The following FAT4 variants were observed in gnomAD, a reference collection of about 807,000 sequenced individuals.
The protein encoded by FAT4 is protocadherin Fat 4.
In FAT4, 84 loss-of-function variants were observed where a neutral mutation model predicts 303.9. The observed-to-expected ratio is 0.28, with a 90% CI of 0.23 to 0.33. The LOEUF (loss-of-function observed/expected upper bound fraction) is 0.33. FAT4 is among the 10% of genes least tolerant of loss of function. The pLI, the probability that FAT4 is intolerant of heterozygous loss-of-function variation, is 1.00. For synonymous variants in FAT4, 2,307 were observed against 2,298.8 expected, an observed-to-expected ratio of 1.00 and a Z score of -0.10; for missense variants, 6,005 against 6,146.8, an observed-to-expected ratio of 0.98 and a Z score of 0.77.
At position 125,406,971 on chromosome 4, in the gene FAT4, G is replaced by C; in HGVS notation, c.5399G>C (p.Arg1800Thr). 1 of 1,613,888 alleles carries C rather than the reference G, an allele frequency of 6.2e-7. No individual in the cohort carries two copies. Among genetic ancestry groups the C allele is most frequent in the Non-Finnish European group, 8.5e-7 (1 of 1,179,890 alleles). The stretch of plus-strand genomic sequence containing the variant: ...GAATCCGGAGATCTGATAGCAACCA[G>C]GCGGTTGGACAGGGAACGCCGCTCC... ...DPESGDLIAT[R>T]RLDRERRSKY... The change falls in exon 4 of 18, where the codon AGG becomes ACG. Residue 1800 changes from arginine to threonine, a missense_variant. Coordinates refer to ENST00000394329, the MANE Select transcript of FAT4 (RefSeq NM_001291303.3).
chr4:125,397,891 C>T (rs912763482), intron 2 of FAT4, among the ~76,000 whole-genome samples: 3 of 152,030 alleles, frequency 2.0e-5, no homozygotes, highest in African/African-American at 7.2e-5. Context: ...GACAAACATG[C>T]CCTGGTTATA....
chr4:125,375,237 A>G (rs1397836837), intron 2 of FAT4, among the ~76,000 whole-genome samples: 1 of 152,240 alleles, frequency 6.6e-6, no homozygotes, highest in African/African-American at 2.4e-5. Context: ...GTGACTCTAA[A>G]TTGTAAGTAA....
chr4:125,432,608 G>A (rs1286976589), intron 7 of FAT4, among the ~76,000 whole-genome samples: 2 of 147,570 alleles, frequency 1.4e-5, no homozygotes, highest in Non-Finnish European at 3.0e-5. Flanking sequence ...TACTAAAAAG[G>A]CATTTACATT....
chr4:125,320,960 A>G lies in FAT4; in HGVS notation c.4549A>G (p.Ile1517Val). 1.2e-6 allele frequency: 2 copies of G among 1,614,242 alleles called. No individual in the cohort carries two copies. The highest frequency in any genetic ancestry group is 1.7e-6 in the Non-Finnish European group (2 of 1,180,034). The part of the protein sequence containing the change: ...TRRYALKNVT[I>V]LVTDLNDNVP... The stretch of plus-strand genomic sequence containing the variant: ...ACGGTATGCTTTGAAGAACGTGACC[A>G]TTTTGGTTACAGACCTCAATGACAA... Residue 1517 changes from isoleucine to valine, a missense_variant, in exon 2 of 18, where the codon ATT becomes GTT. By Grantham distance (29) the Ile-to-Val change is conservative. Coordinates refer to ENST00000394329, the MANE Select transcript of FAT4 (RefSeq NM_001291303.3).
At chr4:125,388,278 C>T (rs544453397) in intron 2 of FAT4, among the ~76,000 whole-genome samples, 19 of 152,174 alleles carry the variant, frequency 1.2e-4, no homozygotes, top group African/African-American at 2.6e-4. Flanking sequence ...GGAGGGGTAA[C>T]GGGACCAATA....
Position 125,363,564 on chromosome 4 carries a change from C to T in FAT4, c.5176-35220C>T, listed in dbSNP as rs144801701. On this transcript the variant is annotated intron_variant, in intron 2 of 17. Coordinates refer to ENST00000394329, the MANE Select transcript of FAT4 (RefSeq NM_001291303.3). ...AGCCTGGAGTGCAGTGGTATGATCTCGGCTCACTAAAACCTCCGCCTCCTG... is the reference window on the plus strand; with the variant it reads ...AGCCTGGAGTGCAGTGGTATGATCTTGGCTCACTAAAACCTCCGCCTCCTG... Among the ~76,000 whole-genome samples, 575 of 151,514 alleles carry T rather than the reference C, an allele frequency of 3.8e-3. 2 individuals are homozygous for T. Among genetic ancestry groups the T allele is most frequent in the African/African-American group, 0.013 (543 of 41,246 alleles).
At chr4:125,432,057 C>T (rs1451922327) in intron 7 of FAT4, among the ~76,000 whole-genome samples, 1 of 152,164 alleles carries the variant, frequency 6.6e-6, no homozygotes, top group Non-Finnish European at 1.5e-5. Context: ...GATTATTGTG[C>T]TCAAATGTCC....
rs557455208 is a variant in FAT4 at position 125,398,610 on chromosome 4, G to A, written c.5176-174G>A. ...ATTTTTATTTCGACTTTATGTTTTC[G>A]TGTAAAGATTTCACAACTTTTCCCT... On this transcript the variant is annotated intron_variant, in intron 2 of 17. Transcript: ENST00000394329. Among the ~76,000 whole-genome samples the A allele has an allele frequency of 3.7e-4, 56 of 152,178 alleles. 1 individual carries two copies. In the South Asian group the frequency reaches 8.7e-3, roughly 24 times the overall value.
In FAT4 at chr4:125,316,068, G is replaced by T. The variant is rs1653068793; in HGVS notation, c.-13+91G>T. On this transcript the variant is annotated intron_variant, in intron 1 of 17. Coordinates refer to ENST00000394329, the MANE Select transcript of FAT4 (RefSeq NM_001291303.3). This position sits in a 1 kb window ranked among gnomAD's most constrained non-coding sequence, Gnocchi z 5.7. ...ACTTCTCCCAACTCTCATCCACCCG[G>T]GTGAAAACGCTCAGACTATCTGGAT... is the stretch of plus-strand genomic sequence containing the variant. 6.6e-6 allele frequency among the ~76,000 whole-genome samples: 1 copy of T among 152,110 alleles called. No individual in the cohort carries two copies. Among genetic ancestry groups the T allele is most frequent in the South Asian group, 2.1e-4 (1 of 4,824 alleles).
At chr4:125,388,285 A>G (rs1733840866) in intron 2 of FAT4, among the ~76,000 whole-genome samples, 1 of 152,170 alleles carries the variant, frequency 6.6e-6, no homozygotes, top group African/African-American at 2.4e-5. Context: ...TAACGGGACC[A>G]ATAATTCAGT....
chr4:125,476,441 A>C (rs1022603251), intron 13 of FAT4, among the ~76,000 whole-genome samples, 185 bp downstream of exon 13: 2 of 152,170 alleles, frequency 1.3e-5, no homozygotes, highest in Non-Finnish European at 2.9e-5. Context: ...AAATGTGTGA[A>C]ATGAAGTGGT....
At chr4:125,331,445 T>C (rs1731378331) in intron 2 of FAT4, among the ~76,000 whole-genome samples, 1 of 152,242 alleles carries the variant, frequency 6.6e-6, no homozygotes, top group Admixed American at 6.5e-5. Flanking sequence ...TGGAAAAGAC[T>C]GGTTTTCCTT....
chr4:125,447,394 A>T (rs1242283704), intron 9 of FAT4, among the ~76,000 whole-genome samples: 2 of 152,088 alleles, frequency 1.3e-5, no homozygotes, highest in African/African-American at 4.8e-5. Context: ...AATGATACCA[A>T]TCTAAAATAT....
At chr4:125,429,211 T>C (rs1242625356) in intron 7 of FAT4, among the ~76,000 whole-genome samples, 1 of 152,210 alleles carries the variant, frequency 6.6e-6, no homozygotes, top group African/African-American at 2.4e-5. Context: ...TCCTAGATTG[T>C]ATATTTCTAG....
At chr4:125,326,002 C>A (rs978309191) in intron 2 of FAT4, among the ~76,000 whole-genome samples, 5 of 151,920 alleles carry the variant, frequency 3.3e-5, no homozygotes, top group African/African-American at 1.2e-4. Flanking sequence ...CATGGAGGTC[C>A]ATGCATACTC....
rs1416605920 is a variant in FAT4 at position 125,316,850 on chromosome 4, G to A, written c.439G>A (p.Asp147Asn). 2 of 1,613,982 alleles carry A rather than the reference G, an allele frequency of 1.2e-6. No individual in the cohort carries two copies. Among genetic ancestry groups the A allele is most frequent in the African/African-American group, 1.3e-5 (1 of 74,936 alleles). ...CTCTATCGTGGTCACTTTCAAGGAA[G>A]ACAGTAGCAGCGGACGCCAAGTCAT... is the stretch of plus-strand genomic sequence containing the variant. ...DPSIVVTFKE[D>N]SSSGRQVILD... The change falls in exon 2 of 18, where the codon GAC becomes AAC. Residue 147 changes from aspartate to asparagine, a missense_variant. Coordinates refer to ENST00000394329, the MANE Select transcript of FAT4 (RefSeq NM_001291303.3). This position sits in a 1 kb window ranked among gnomAD's most constrained non-coding sequence, Gnocchi z 5.7.
chr4:125,361,945 T>G (rs1477962471), intron 2 of FAT4, among the ~76,000 whole-genome samples: 22 of 152,126 alleles, frequency 1.4e-4, no homozygotes, highest in Non-Finnish European at 1.5e-5. Flanking sequence ...ACTGCTTGTG[T>G]AGAATGTTGC....
At chr4:125,480,720 ACT>A (rs990701296) in intron 15 of FAT4, among the ~76,000 whole-genome samples, 2 of 152,116 alleles carry the variant, frequency 1.3e-5, no homozygotes, top group Non-Finnish European at 2.9e-5. Context: ...GAAAATATAT[ACT>A]GTCATGTGAT....
In FAT4 at chr4:125,450,839, G is replaced by A. The variant is rs775681328; in HGVS notation, c.9829G>A (p.Asp3277Asn). 1.5e-5 allele frequency: 24 copies of A among 1,613,944 alleles called. No individual in the cohort carries two copies. Among genetic ancestry groups the A allele is most frequent in the African/African-American group, 2.7e-5 (2 of 74,902 alleles). ...TACTGTGAAAGCCTTCAATGTCCCC[G>A]ATGAGGAAAGGTGTAGCTTTGCCAC... is the stretch of plus-strand genomic sequence containing the variant. ...HLTVKAFNVP[D>N]EERCSFATVN... The change falls in exon 10 of 18, where the codon GAT (aspartate) becomes AAT (asparagine). Residue 3277 changes from aspartate to asparagine, a missense_variant. Transcript: ENST00000394329.
Sources: gnomAD v4.1 joint callset for allele counts (sites outside exome capture counted in the v4.1 genomes callset) on GRCh38, gnomAD v4.1.1 for gene constraint, Gnocchi (gnomAD v3.1) non-coding constraint, MANE v1.5 for transcripts, NCBI Gene and HGNC (gene_info 2026-07-23, HGNC 2026-07-21) for gene names.